The following CDH9 variants were observed in gnomAD, a reference collection of about 807,000 sequenced individuals.
CDH9 encodes the protein cadherin-9.
CDH9 carries 28 observed loss-of-function variants against 70.9 expected under a neutral mutation model. That is an observed-to-expected ratio of 0.40 (90% CI 0.29 to 0.54). CDH9 has a LOEUF of 0.54. Among genes scored for constraint, CDH9 ranks in the 20% least tolerant of loss-of-function variants. The pLI, the probability that CDH9 is intolerant of heterozygous loss-of-function variation, is 0.59. For synonymous variants in CDH9, 409 were observed against 343.1 expected (o/e 1.19, Z -2.12); for missense variants, 874 against 984.4 (o/e 0.89, Z 1.50).
intron 1 of CDH9, among the ~76,000 whole-genome samples, chr5:27,023,524 AG>A (rs1743174048): frequency 6.6e-6 from 1 of 152,034 alleles, no homozygotes; most frequent in African/African-American, 2.4e-5. Context: ...TAACTACTCT[AG>A]TAGGCCTGGA....
At chr5:26,913,451 C>T (rs1741089417) in intron 3 of CDH9, among the ~76,000 whole-genome samples, 1 of 151,940 alleles carries the variant, frequency 6.6e-6, no homozygotes, top group African/African-American at 2.4e-5. Context: ...TTTTTTAGTT[C>T]CAAAAGCTGC....
At chr5:26,934,880 C>T (rs1741530924) in intron 2 of CDH9, among the ~76,000 whole-genome samples, 1 of 150,940 alleles carries the variant, frequency 6.6e-6, no homozygotes, top group Admixed American at 6.6e-5. Context: ...AGCAGAAGAG[C>T]ACATCTTAAC....
chr5:26,931,248 G>A (rs1039180131), intron 2 of CDH9, among the ~76,000 whole-genome samples: 1 of 152,124 alleles, frequency 6.6e-6, no homozygotes, highest in Non-Finnish European at 1.5e-5. Flanking sequence ...CTGCTGCGAG[G>A]AGAAAACAGA....
At chr5:26,997,760 T>C (rs747147973) in intron 1 of CDH9, among the ~76,000 whole-genome samples, 27 of 151,588 alleles carry the variant, frequency 1.8e-4, no homozygotes, top group Non-Finnish European at 3.2e-4. Context: ...AGTGCAGTGG[T>C]GTGATCTCGG....
Position 26,995,598 on chromosome 5 carries a change from C to T in CDH9, c.-49-7216G>A, listed in dbSNP as rs569819761. ...CAACTCTCTTGGGGCCAATTTAACA[C>T]CTGTACATTCCTCTGCTTTTGGACA... On this transcript the variant is annotated intron_variant, in intron 1 of 11. Transcript: ENST00000231021. Among the ~76,000 whole-genome samples, 4 of 152,138 alleles carry T rather than the reference C, an allele frequency of 2.6e-5. No homozygotes were observed. In the South Asian group the frequency reaches 8.3e-4, roughly 32 times the overall value.
intron 1 of CDH9, among the ~76,000 whole-genome samples, chr5:27,008,489 C>CA (rs58699887): frequency 0.47 from 68,855 of 146,900 alleles, 16,452 homozygotes; most frequent in Non-Finnish European, 0.51. Context: ...GACCCTCTTT[C>CA]AAAAAAAAAA....
At chr5:26,980,328 A>C (rs1198586213) in intron 2 of CDH9, among the ~76,000 whole-genome samples, 1 of 151,842 alleles carries the variant, frequency 6.6e-6, no homozygotes, top group East Asian at 1.9e-4. Context: ...TTTTAACATA[A>C]ATTTCTGATA....
chr5:26,982,983 T>G (rs1202222656), intron 2 of CDH9, among the ~76,000 whole-genome samples: 1 of 152,058 alleles, frequency 6.6e-6, no homozygotes. Context: ...CCGCGCCTGG[T>G]CTATGAATAA....
At chr5:26,952,458 CAAAAAAAAAAAAAA>C (rs766973787) in intron 2 of CDH9, among the ~76,000 whole-genome samples, 3 of 9,966 alleles carry the variant, frequency 3.0e-4, no homozygotes, top group Admixed American at 1.8e-3. Context: ...ACTAAAAATA[CAAAAAAAAAAAAAA>C]AAAAAAAAAA....
intron 7 of CDH9, among the ~76,000 whole-genome samples, chr5:26,895,886 C>A (rs1286589837): frequency 6.6e-6 from 1 of 151,972 alleles, no homozygotes; most frequent in Non-Finnish European, 1.5e-5. Context: ...CAGTCCCATG[C>A]TACAATGTTG....
At chr5:26,958,284 C>T (rs537263320) in intron 2 of CDH9, among the ~76,000 whole-genome samples, 1 of 152,144 alleles carries the variant, frequency 6.6e-6, no homozygotes, top group African/African-American at 2.4e-5. Flanking sequence ...TTCTATTACT[C>T]ATCTTCCCCA....
At chr5:26,998,935 T>A (rs1331278567) in intron 1 of CDH9, among the ~76,000 whole-genome samples, 3 of 152,124 alleles carry the variant, frequency 2.0e-5, no homozygotes, top group Non-Finnish European at 2.9e-5. Context: ...AAATAAGATA[T>A]GCATCTATGT....
At chr5:26,984,522 G>T (rs1441275788) in intron 2 of CDH9, among the ~76,000 whole-genome samples, 1 of 152,032 alleles carries the variant, frequency 6.6e-6, no homozygotes, top group Non-Finnish European at 1.5e-5. Flanking sequence ...TACTAATTGG[G>T]ATATAGTTAA....
At chr5:26,908,906 G>GT (rs1002653618) in intron 3 of CDH9, among the ~76,000 whole-genome samples, 3 of 152,060 alleles carry the variant, frequency 2.0e-5, no homozygotes, top group African/African-American at 2.4e-5. Context: ...AAGAGTTGTA[G>GT]TTTTTTTCAG....
At chr5:26,930,219 T>A (rs954366148) in intron 2 of CDH9, among the ~76,000 whole-genome samples, 2 of 152,118 alleles carry the variant, frequency 1.3e-5, no homozygotes, top group Admixed American at 1.3e-4. Context: ...TTTGTTTTTT[T>A]AAAAATTAGG....
intron 1 of CDH9, among the ~76,000 whole-genome samples, chr5:27,031,154 TAG>T (rs1355351867): frequency 6.6e-6 from 1 of 151,778 alleles, no homozygotes; most frequent in Admixed American, 6.6e-5. Flanking sequence ...ATTACATAAT[TAG>T]AATTGGATAA....
intron 3 of CDH9, among the ~76,000 whole-genome samples, chr5:26,913,680 T>C (rs906219941): frequency 2.6e-5 from 4 of 152,050 alleles, no homozygotes; most frequent in African/African-American, 4.8e-5. Context: ...ACATCTTTCA[T>C]GCATAAACTT....
intron 2 of CDH9, among the ~76,000 whole-genome samples, chr5:26,974,243 A>G (rs1742268056): frequency 6.6e-6 from 1 of 152,202 alleles, no homozygotes. Flanking sequence ...CTCCATCTAA[A>G]AAAATAATAG....
At chr5:27,000,906 T>G (rs1310549412) in intron 1 of CDH9, among the ~76,000 whole-genome samples, 10 of 152,120 alleles carry the variant, frequency 6.6e-5, no homozygotes. Flanking sequence ...CATTCTGCAA[T>G]AGGCAAAACT....
Sources: allele counts gnomAD v4.1 joint callset (sites outside exome capture counted in the v4.1 genomes callset), GRCh38; gene constraint gnomAD v4.1.1; transcripts MANE v1.5; gene names NCBI Gene and HGNC (gene_info 2026-07-23, HGNC 2026-07-21).